FSCB: variants seen among roughly 807,000 people sequenced by gnomAD.
The protein encoded by FSCB is fibrous sheath CABYR binding protein.
For synonymous variants in FSCB, 331 were observed against 336.6 expected (o/e 0.98, Z 0.18); for missense variants, 975 against 934.8 (o/e 1.04, Z -0.56).
At position 44,504,491 on chromosome 14, in the gene FSCB, T is replaced by C. The variant is rs1306650183; in HGVS notation, c.*19A>G. The C allele has an allele frequency of 6.5e-7, 1 of 1,546,122 alleles. No individual in the cohort carries two copies. The highest frequency in any genetic ancestry group is 1.2e-5 in the South Asian group (1 of 80,594). ...CCAAAACCATGTAGCTTCTGATTGC[T>C]AGCTTAGGTACAACCTGACTACAGT... On this transcript the variant is annotated 3_prime_UTR_variant, in exon 1 of 1. Transcript: ENST00000340446.
chr14:44,506,264 CA>C, the FSCB span: 1 of 1,614,172 alleles, frequency 6.2e-7, no homozygotes, highest in South Asian at 1.1e-5. Flanking sequence ...TCTTGTACAA[CA>C]GGTACAGTTA....
Position 44,504,884 on chromosome 14 carries a change from G to A in FSCB, c.2104C>T (p.Pro702Ser), listed in dbSNP as rs779044632. Reference sequence around the variant, plus strand: ...TCTGCAGGGACATCATCAGCTGGGGGAGAGTGTACTGCAGCAAGGGTCTCT... The same window carrying A: ...TCTGCAGGGACATCATCAGCTGGGGAAGAGTGTACTGCAGCAAGGGTCTCT... Reference protein sequence around the residue: ...IEETLAAVHSPPADDVPAEEA... With the variant: ...IEETLAAVHSSPADDVPAEEA... The change falls in exon 1 of 1, where the codon CCC (proline) becomes TCC (serine). Residue 702 changes from proline (P) to serine (S), a missense_variant. Pro to Ser is a moderately conservative substitution (Grantham distance 74). Transcript: ENST00000340446. 2 of 1,614,142 alleles carry A rather than the reference G, an allele frequency of 1.2e-6. No individual in the cohort carries two copies. The highest frequency in any genetic ancestry group is 1.1e-5 in the South Asian group (1 of 91,068).
At position 44,507,080 on chromosome 14, in the gene FSCB, G is replaced by A. The variant is rs1162780730; in HGVS notation, c.-93C>T. The A allele has an allele frequency of 6.1e-6, 6 of 990,914 alleles. No individual in the cohort carries two copies. The highest frequency in any genetic ancestry group is 8.9e-6 in the Non-Finnish European group (6 of 673,796). The allele number at this position is 990,914 out of a possible 1,614,324, so 61.4% of individuals were successfully genotyped here. A position where few individuals can be genotyped will look rare whatever the true frequency, so the allele number is the denominator to read the frequency against. On this transcript the variant is annotated 5_prime_UTR_variant, in exon 1 of 1. Coordinates refer to ENST00000340446, the MANE Select transcript of FSCB (RefSeq NM_032135.4). Reference sequence around the variant, plus strand: ...TCACTTTCTTCCATTTCTAAGAGTAGTGATTTCAAACTTATTAATTTTCAA... The same window carrying A: ...TCACTTTCTTCCATTTCTAAGAGTAATGATTTCAAACTTATTAATTTTCAA...
At chr14:44,505,978 G>C in the FSCB span, 4 of 1,613,992 alleles carry the variant, frequency 2.5e-6, no homozygotes, top group Non-Finnish European at 3.4e-6. Flanking sequence ...CTCTTCAGCT[G>C]ATGGAGGCTG....
chr14:44,506,307 C>T lies in FSCB; in HGVS notation c.681G>A (p.Pro227=), dbSNP rs3809430. ...CCCTAAGCTCATCTTCTAAAAGTAC[C>T]GGGGGACCTTTTTTAGTCTCCTGAG... The part of the protein sequence containing the change: ...SFTQETKKGP[P]VLLEDELREE... The change falls in exon 1 of 1, where the codon CCG becomes CCA. Residue 227 remains proline, a synonymous_variant. Coordinates refer to ENST00000340446, the MANE Select transcript of FSCB (RefSeq NM_032135.4). 0.36 allele frequency: 581,337 copies of T among 1,613,798 alleles called. 106,643 individuals are homozygous for T. The highest frequency in any genetic ancestry group is 0.4 in the East Asian group (18,064 of 44,856).
Position 44,505,833 on chromosome 14 carries a change from C to T in FSCB, c.1155G>A (p.Arg385=). 1 of 1,613,994 alleles carries T rather than the reference C, an allele frequency of 6.2e-7. No individual in the cohort carries two copies. Among genetic ancestry groups the T allele is most frequent in the Non-Finnish European group, 8.5e-7 (1 of 1,180,008 alleles). The change falls in exon 1 of 1, where the codon CGG becomes CGA. Residue 385 remains arginine, a synonymous_variant. Coordinates refer to ENST00000340446, the MANE Select transcript of FSCB (RefSeq NM_032135.4). ...SPSVELLGEI[R]SPSAQKAPIE... is the part of the protein sequence containing the mutation. ...TGGGAGCCTTTTGTGCTGAGGGAGA[C>T]CGAATTTCACCAAGAAGCTCTACTG...
rs868226172 is a variant in FSCB at position 44,504,598 on chromosome 14, A to G, written c.2390T>C (p.Leu797Ser). 6.2e-7 allele frequency: 1 copy of G among 1,614,168 alleles called. No individual in the cohort carries two copies. The highest frequency in any genetic ancestry group is 8.5e-7 in the Non-Finnish European group (1 of 1,180,002). ...VSKINSVLKD[L>S]SNTNDGQAPT... is the part of the protein sequence containing the mutation. ...AGCCTGTCCATCATTGGTATTAGACAAATCTTTAAGGACAGAATTGATTTT... is the reference window on the plus strand; with the variant it reads ...AGCCTGTCCATCATTGGTATTAGACGAATCTTTAAGGACAGAATTGATTTT... The change falls in exon 1 of 1, where the codon TTG (leucine) becomes TCG (serine). Residue 797 changes from leucine (L) to serine (S), a missense_variant. By Grantham distance (145) the Leu-to-Ser change is moderately radical. Coordinates refer to ENST00000340446, the MANE Select transcript of FSCB (RefSeq NM_032135.4).
Position 44,507,041 on chromosome 14 carries a change from G to A in FSCB, c.-54C>T. 2 of 1,273,910 alleles carry A rather than the reference G, an allele frequency of 1.6e-6. No individual in the cohort carries two copies. Among genetic ancestry groups the A allele is most frequent in the East Asian group, 2.3e-5 (1 of 42,564 alleles). The allele number at this position is 1,273,910 out of a possible 1,614,324, so 78.9% of individuals were successfully genotyped here. A position where few individuals can be genotyped will look rare whatever the true frequency, so the allele number is the denominator to read the frequency against. On this transcript the variant is annotated 5_prime_UTR_variant, in exon 1 of 1. Transcript: ENST00000340446. ...ATTTCTTGCCTACACGCTGAGATAG[G>A]CTGATTAGAGTCATCACTTTCTTCC...
Position 44,507,042 on chromosome 14 carries a change from C to T in FSCB, c.-55G>A. 2 of 1,276,900 alleles carry T rather than the reference C, an allele frequency of 1.6e-6. No individual in the cohort carries two copies. The highest frequency in any genetic ancestry group is 2.2e-6 in the Non-Finnish European group (2 of 921,482). 79.1% of individuals were successfully genotyped at this position (1,276,900 alleles called of 1,614,324 possible). Reference sequence around the variant, plus strand: ...TTTCTTGCCTACACGCTGAGATAGGCTGATTAGAGTCATCACTTTCTTCCA... The same window carrying T: ...TTTCTTGCCTACACGCTGAGATAGGTTGATTAGAGTCATCACTTTCTTCCA... On this transcript the variant is annotated 5_prime_UTR_variant, in exon 1 of 1. Coordinates refer to ENST00000340446, the MANE Select transcript of FSCB (RefSeq NM_032135.4).
In FSCB at chr14:44,505,307, A is replaced by G. The variant is rs1881041326; in HGVS notation, c.1681T>C (p.Ser561Pro). ...ATAGAAACTCCCTTAGCTGATGGAG[A>G]CTGAACTTCAGCAGGAGCCTCTTCT... ...SAEEAPAEVQ[S>P]PSAKGVSIEE... The change falls in exon 1 of 1, where the codon TCT becomes CCT. Residue 561 changes from serine (S) to proline (P), a missense_variant. By Grantham distance (74) the Ser-to-Pro change is moderately conservative. Transcript: ENST00000340446. 6.2e-7 allele frequency: 1 copy of G among 1,610,828 alleles called. No individual in the cohort carries two copies. Among genetic ancestry groups the G allele is most frequent in the Non-Finnish European group, 8.5e-7 (1 of 1,179,436 alleles).
chr14:44,506,519 TCTG>T lies in FSCB; in HGVS notation c.466_468del (p.Gln156del), dbSNP rs1402385198. On this transcript the variant is annotated inframe_deletion, in exon 1 of 1. Coordinates refer to ENST00000340446, the MANE Select transcript of FSCB (RefSeq NM_032135.4). Reference sequence around the variant, plus strand: ...ACTATTTCTGATTCACTAAAGTATGTCTGTTGTTCCTTGTCCACTTTTTCTACA... The same window carrying T: ...ACTATTTCTGATTCACTAAAGTATGTTTGTTCCTTGTCCACTTTTTCTACA... 6.2e-7 allele frequency: 1 copy of T among 1,614,192 alleles called. No homozygotes were observed. The highest frequency in any genetic ancestry group is 8.5e-7 in the Non-Finnish European group (1 of 1,180,016).
rs770564938 is a variant in FSCB at position 44,506,805 on chromosome 14, C to G, written c.183G>C (p.Lys61Asn). 5 of 1,614,048 alleles carry G rather than the reference C, an allele frequency of 3.1e-6. No homozygotes were observed. Among genetic ancestry groups the G allele is most frequent in the Non-Finnish European group, 4.2e-6 (5 of 1,179,968 alleles). ...TAGTCATTTCCTGTCCATGCTTTCTCTTTGTCCAAGTTTGCTGAAGCTCAG... is the reference window on the plus strand; with the variant it reads ...TAGTCATTTCCTGTCCATGCTTTCTGTTTGTCCAAGTTTGCTGAAGCTCAG... ...VSSELQQTWT[K>N]RKHGQEMTSK... The change falls in exon 1 of 1, where the codon AAG (lysine) becomes AAC (asparagine). Residue 61 changes from lysine (K) to asparagine (N), a missense_variant. Lys to Asn is a moderately conservative substitution (Grantham distance 94). Transcript: ENST00000340446.
rs920404158 is a variant in FSCB, at chr14:44,505,202, G to A, written c.1786C>T (p.Leu596=). ...TCTGCAGAAGCCTCTGTAGCTGCTA[G>A]AAGCTGAATTGCAGCAGAGGCCTCT... The part of the protein sequence containing the change: ...AEEASAAIQL[L]AATEASAEEA... The change falls in exon 1 of 1, where the codon CTA becomes TTA. Residue 596 remains leucine (L), a synonymous_variant. Coordinates refer to ENST00000340446, the MANE Select transcript of FSCB (RefSeq NM_032135.4). 6.2e-7 allele frequency: 1 copy of A among 1,612,774 alleles called. No individual in the cohort carries two copies. Among genetic ancestry groups the A allele is most frequent in the South Asian group, 1.1e-5 (1 of 91,030 alleles).
rs1881039774 is a variant in FSCB, at chr14:44,505,248, T to G, written c.1740A>C (p.Ser580=). ...CCTCTTCTGCAGTGGTCTCTTCACCTGATGGAGGCTGAAGCTCAAGAGGGG... is the reference window on the plus strand; with the variant it reads ...CCTCTTCTGCAGTGGTCTCTTCACCGGATGGAGGCTGAAGCTCAAGAGGGG... ...EEAPLELQPP[S]GEETTAEEAS... The change falls in exon 1 of 1, where the codon TCA becomes TCC. Residue 580 remains serine, a synonymous_variant. Coordinates refer to ENST00000340446, the MANE Select transcript of FSCB (RefSeq NM_032135.4). The G allele has an allele frequency of 8.1e-6, 13 of 1,612,972 alleles. No homozygotes were observed. Among genetic ancestry groups the G allele is most frequent in the Non-Finnish European group, 1.1e-5 (13 of 1,179,848 alleles).
At position 44,505,761 on chromosome 14, in the gene FSCB, T is replaced by C. The variant is rs1411451056; in HGVS notation, c.1227A>G (p.Pro409=). The change falls in exon 1 of 1, where the codon CCA becomes CCG. Residue 409 remains proline (P), a synonymous_variant. Transcript: ENST00000340446. ...CAACAGTGGGAGGCTCTACTTTAGC[T>C]GGGGCCTCTTCAAGGGCGCCCTCAG... ...LPAEGALEEA[P]AKVEPPTVEE... 1.9e-6 allele frequency: 3 copies of C among 1,613,686 alleles called. No individual in the cohort carries two copies. Among genetic ancestry groups the C allele is most frequent in the Admixed American group, 3.3e-5 (2 of 59,982 alleles).
chr14:44,505,290 T>C lies in FSCB; in HGVS notation c.1698A>G (p.Gly566=), dbSNP rs1377708384. The C allele has an allele frequency of 6.2e-7, 1 of 1,607,952 alleles. No individual in the cohort carries two copies. The highest frequency in any genetic ancestry group is 8.5e-7 in the Non-Finnish European group (1 of 1,178,538). ...PAEVQSPSAK[G]VSIEEAPLEL... is the part of the protein sequence containing the mutation. ...CAAGAGGGGCCTCTTCTATAGAAAC[T>C]CCCTTAGCTGATGGAGACTGAACTT... The change falls in exon 1 of 1, where the codon GGA becomes GGG. Residue 566 remains glycine, a synonymous_variant. Transcript: ENST00000340446.
At position 44,507,037 on chromosome 14, in the gene FSCB, A is replaced by G. The variant is rs1223690457; in HGVS notation, c.-50T>C. The G allele has an allele frequency of 3.0e-6, 4 of 1,334,978 alleles. No individual in the cohort carries two copies. The highest frequency in any genetic ancestry group is 2.0e-4 in the Middle Eastern group (1 of 4,992). The allele number at this position is 1,334,978 out of a possible 1,614,324, so 82.7% of individuals were successfully genotyped here. ...TCGAATTTCTTGCCTACACGCTGAGATAGGCTGATTAGAGTCATCACTTTC... is the reference window on the plus strand; with the variant it reads ...TCGAATTTCTTGCCTACACGCTGAGGTAGGCTGATTAGAGTCATCACTTTC... On this transcript the variant is annotated 5_prime_UTR_variant, in exon 1 of 1. Coordinates refer to ENST00000340446, the MANE Select transcript of FSCB (RefSeq NM_032135.4).
At position 44,505,694 on chromosome 14, in the gene FSCB, C is replaced by G. The variant is rs772477346; in HGVS notation, c.1294G>C (p.Ala432Pro). ...ADVQPLLPEE[A>P]PREEARELQL... Reference sequence around the variant, plus strand: ...AGTTCTCGAGCCTCTTCTCTAGGAGCCTCTTCAGGTAATAGAGGCTGAACA... The same window carrying G: ...AGTTCTCGAGCCTCTTCTCTAGGAGGCTCTTCAGGTAATAGAGGCTGAACA... Residue 432 changes from alanine to proline, a missense_variant, in exon 1 of 1, where the codon GCT becomes CCT. Ala to Pro is a conservative substitution (Grantham distance 27). Transcript: ENST00000340446. The G allele has an allele frequency of 2.5e-6, 4 of 1,613,548 alleles. No homozygotes were observed. Among genetic ancestry groups the G allele is most frequent in the East Asian group, 2.2e-5 (1 of 44,876 alleles).
chr14:44,506,354 T>C lies in FSCB; in HGVS notation c.634A>G (p.Asn212Asp), dbSNP rs140155770. 1.2e-6 allele frequency: 2 copies of C among 1,614,062 alleles called. No individual in the cohort carries two copies. The highest frequency in any genetic ancestry group is 1.7e-6 in the Non-Finnish European group (2 of 1,180,034). Residue 212 changes from asparagine (N) to aspartate (D), a missense_variant, in exon 1 of 1, where the codon AAT (asparagine) becomes GAT (aspartate). Physicochemically the swap from Asn to Asp is conservative, Grantham distance 23 (BLOSUM62 1). Transcript: ENST00000340446. Reference protein sequence around the residue: ...TNSNEEIGQKNISRTSFTQET... With the variant: ...TNSNEEIGQKDISRTSFTQET... ...TGAGTAAATGAAGTTCTGCTGATAT[T>C]TTTCTGCCCAATTTCTTCATTGCTG...
Sources: gnomAD v4.1 joint callset for allele counts on GRCh38, gnomAD v4.1.1 for gene constraint, MANE v1.5 for transcripts, NCBI Gene and HGNC (gene_info 2026-07-23, HGNC 2026-07-21) for gene names.